Variants in SLC24A2 observed in about 807,000 individuals in gnomAD.
The protein encoded by SLC24A2 is solute carrier family 24 member 2, also known as sodium/potassium/calcium exchanger 2.
In SLC24A2, 36 loss-of-function variants were observed where a neutral mutation model predicts 62.0. The observed-to-expected ratio is 0.58, with a 90% CI of 0.44 to 0.77. The LOEUF is 0.77. Ranked by LOEUF, SLC24A2 falls within the 30% of genes least tolerant of loss-of-function variation. The pLI, the probability that SLC24A2 is intolerant of heterozygous loss-of-function variation, is 0.00. For synonymous variants in SLC24A2, 358 were observed against 294.0 expected, an observed-to-expected ratio of 1.22 and a Z score of -2.23; for missense variants, 846 against 817.9, an observed-to-expected ratio of 1.03 and a Z score of -0.42.
the SLC24A2 span, among the ~76,000 whole-genome samples, chr9:19,990,643 A>G: frequency 6.6e-6 from 1 of 151,132 alleles, no homozygotes; most frequent in Non-Finnish European, 1.5e-5. Flanking sequence ...AACAAAAAAA[A>G]AAAAGGAAAA....
the SLC24A2 span, among the ~76,000 whole-genome samples, chr9:20,290,918 T>C: frequency 3.1e-3 from 475 of 152,262 alleles, no homozygotes; most frequent in East Asian, 9.5e-3. Flanking sequence ...CCACCTAGCA[T>C]TGACCCATAT....
chr9:20,156,789 C>T, the SLC24A2 span, among the ~76,000 whole-genome samples: 43 of 151,858 alleles, frequency 2.8e-4, no homozygotes, highest in Admixed American at 2.5e-3. Context: ...TTCTTGTGCA[C>T]TAAGTATAAA....
At chr9:19,562,282 A>G (rs1484821594) in intron 7 of SLC24A2, among the ~76,000 whole-genome samples, 1 of 152,228 alleles carries the variant, frequency 6.6e-6, no homozygotes, top group Non-Finnish European at 1.5e-5. Context: ...CTGGATTAAA[A>G]TTAAAATTAT....
chr9:20,201,904 G>A, the SLC24A2 span, among the ~76,000 whole-genome samples: 2 of 152,082 alleles, frequency 1.3e-5, no homozygotes, highest in Admixed American at 6.5e-5. Context: ...TTGCTGTACA[G>A]CCACACATCA....
the SLC24A2 span, among the ~76,000 whole-genome samples, chr9:20,134,465 A>G: frequency 1.3e-5 from 2 of 152,220 alleles, no homozygotes; most frequent in East Asian, 3.9e-4. Context: ...CCTCACAGCA[A>G]CTTCCAGCAG....
chr9:20,139,303 C>T, the SLC24A2 span, among the ~76,000 whole-genome samples: 3 of 152,328 alleles, frequency 2.0e-5, no homozygotes, highest in East Asian at 3.9e-4. Context: ...CCCTGTGAGT[C>T]CTCAGGCAAG....
Position 19,723,374 on chromosome 9 carries a change from G to C in SLC24A2, c.930+62563C>G, listed in dbSNP as rs373888335. On this transcript the variant is annotated intron_variant, in intron 2 of 10. Coordinates refer to ENST00000341998, the MANE Select transcript of SLC24A2 (RefSeq NM_020344.4). ...AAAATAAGATGCACCAAAAAAGAAT[G>C]AGCCCACAGGACATCTGGTACTCTC... Among the ~76,000 whole-genome samples the C allele has an allele frequency of 2.2e-4, 34 of 152,106 alleles. No individual in the cohort carries two copies. In the South Asian group the frequency reaches 6.9e-3, roughly 31 times the overall value.
At chr9:20,176,981 AT>A in the SLC24A2 span, among the ~76,000 whole-genome samples, 2 of 152,042 alleles carry the variant, frequency 1.3e-5, no homozygotes, top group East Asian at 3.9e-4. Context: ...AATAGTAGCA[AT>A]ATTTATTAAC....
At chr9:19,834,546 A>G in the SLC24A2 span, among the ~76,000 whole-genome samples, 1 of 152,326 alleles carries the variant, frequency 6.6e-6, no homozygotes, top group East Asian at 1.9e-4. Context: ...AAAGAAATGA[A>G]CAAAGCCTCC....
At chr9:19,618,233 G>A (rs116366491) in intron 4 of SLC24A2, among the ~76,000 whole-genome samples, 2,643 of 152,268 alleles carry the variant, frequency 0.017, 82 homozygotes, top group African/African-American at 0.061. Flanking sequence ...CAGTCGGCCT[G>A]CAATCTCTTT....
chr9:19,892,151 G>A, the SLC24A2 span, among the ~76,000 whole-genome samples: 4 of 151,694 alleles, frequency 2.6e-5, no homozygotes, highest in African/African-American at 4.8e-5. Flanking sequence ...TTTTTCTTCC[G>A]TTTAGAATGT....
At chr9:19,895,873 G>A in the SLC24A2 span, 3 of 1,612,578 alleles carry the variant, frequency 1.9e-6, no homozygotes, top group Non-Finnish European at 2.5e-6. Context: ...GTGCAGCAGG[G>A]CCTCGGCCAG....
At chr9:20,220,046 T>C in the SLC24A2 span, among the ~76,000 whole-genome samples, 1 of 152,180 alleles carries the variant, frequency 6.6e-6, no homozygotes, top group Non-Finnish European at 1.5e-5. Flanking sequence ...TTATTCCTTT[T>C]ACTGAAGAAA....
At chr9:19,578,998 T>C (rs192345482) in intron 5 of SLC24A2, among the ~76,000 whole-genome samples, 2 of 151,592 alleles carry the variant, frequency 1.3e-5, no homozygotes, top group East Asian at 3.9e-4. Flanking sequence ...GAAAAGGAGG[T>C]TGGTGTGTGG....
chr9:20,165,229 C>T, the SLC24A2 span, among the ~76,000 whole-genome samples: 1 of 152,064 alleles, frequency 6.6e-6, no homozygotes, highest in South Asian at 2.1e-4. Flanking sequence ...TGTCAGTTCT[C>T]TTTGAACTAA....
chr9:20,258,768 C>CTATA, the SLC24A2 span, among the ~76,000 whole-genome samples: 2 of 92,290 alleles, frequency 2.2e-5, no homozygotes, highest in African/African-American at 8.3e-5. Context: ...TCTCATTTAT[C>CTATA]TATCTATCTA....
intron 2 of SLC24A2, among the ~76,000 whole-genome samples, chr9:19,759,290 T>C (rs548862898): frequency 5.9e-5 from 9 of 152,306 alleles, no homozygotes; most frequent in Non-Finnish European, 1.2e-4. Context: ...AGTATTGGTG[T>C]CCAGCCCATC....
chr9:20,107,040 T>A, the SLC24A2 span, among the ~76,000 whole-genome samples: 5 of 152,204 alleles, frequency 3.3e-5, no homozygotes, highest in East Asian at 9.6e-4. Context: ...TCACAAGGAT[T>A]CTTATACACC....
At chr9:19,984,697 C>T in the SLC24A2 span, among the ~76,000 whole-genome samples, 4 of 152,102 alleles carry the variant, frequency 2.6e-5, no homozygotes, top group African/African-American at 9.7e-5. Context: ...TGGAGTGAGG[C>T]TCTGTCTCAA....
Sources: gnomAD v4.1 joint callset for allele counts (sites outside exome capture counted in the v4.1 genomes callset) on GRCh38, gnomAD v4.1.1 for gene constraint, MANE v1.5 for transcripts, NCBI Gene and HGNC (gene_info 2026-07-23, HGNC 2026-07-21) for gene names.